The following LRP1B variants were observed in gnomAD, a reference collection of about 807,000 sequenced individuals.
LRP1B encodes LDL receptor related protein 1B.
LRP1B carries 217 observed loss-of-function variants against 556.6 expected under a neutral mutation model. The observed-to-expected ratio is 0.39, with a 90% CI of 0.35 to 0.44. LRP1B has a LOEUF of 0.44. Ranked by LOEUF, LRP1B falls within the 20% of genes least tolerant of loss-of-function variation. LRP1B has a pLI of 1.00. For missense variants in LRP1B, 5,053 were observed against 5,620.8 expected (o/e 0.90, Z 3.23); for synonymous variants, 2,047 against 1,865.8 (o/e 1.10, Z -2.50).
chr2:141,059,545 T>C (rs1242217935), intron 8 of LRP1B, among the ~76,000 whole-genome samples: 2 of 151,822 alleles, frequency 1.3e-5, no homozygotes, highest in African/African-American at 2.4e-5. Context: ...TCCCAATCTA[T>C]GTTTAGACTA....
intron 86 of LRP1B, among the ~76,000 whole-genome samples, chr2:140,259,467 T>G (rs182494499): frequency 6.9e-4 from 105 of 152,140 alleles, no homozygotes; most frequent in African/African-American, 2.4e-3. Context: ...GAAAGCCGAT[T>G]GAGAATCATA....
intron 86 of LRP1B, among the ~76,000 whole-genome samples, chr2:140,248,463 T>C (rs560832932): frequency 5.1e-4 from 78 of 151,784 alleles, no homozygotes; most frequent in African/African-American, 1.8e-3. Context: ...TTAGCTCAAC[T>C]TTTGTTACAT....
rs539732835 is a variant in LRP1B, at chr2:140,342,328, G to C, written c.11893-6490C>G. 3.0e-4 allele frequency among the ~76,000 whole-genome samples: 46 copies of C among 150,968 alleles called. No homozygotes were observed. The South Asian group carries it at 9.6e-3, about 31-fold the overall frequency. On this transcript the variant is annotated intron_variant, in intron 77 of 90. Coordinates refer to ENST00000389484, the MANE Select transcript of LRP1B (RefSeq NM_018557.3). The stretch of plus-strand genomic sequence containing the variant: ...TGGTTATAAAAATATTTACTATTCA[G>C]TGAAGGCCAATTATGCATGACATAC...
chr2:140,511,345 A>G (rs1191135564), intron 51 of LRP1B, among the ~76,000 whole-genome samples: 2 of 112,056 alleles, frequency 1.8e-5, no homozygotes, highest in Non-Finnish European at 3.3e-5. Context: ...TCTGTCGCCC[A>G]GGCTGGAGTG....
intron 18 of LRP1B, among the ~76,000 whole-genome samples, chr2:140,974,719 A>G (rs1696540103): frequency 6.6e-6 from 1 of 152,204 alleles, no homozygotes; most frequent in Non-Finnish European, 1.5e-5. Flanking sequence ...CTTAGATCCA[A>G]TACTAAGGAC....
intron 68 of LRP1B, among the ~76,000 whole-genome samples, chr2:140,373,464 G>T (rs570982973): frequency 1.3e-5 from 2 of 152,038 alleles, no homozygotes; most frequent in South Asian, 4.2e-4. Flanking sequence ...ATTTGTCCCT[G>T]TGAGTCATAA....
At chr2:142,119,816 G>A (rs777642798) in intron 1 of LRP1B, among the ~76,000 whole-genome samples, 2 of 151,872 alleles carry the variant, frequency 1.3e-5, no homozygotes, top group East Asian at 1.9e-4. Flanking sequence ...CGTTTGATCC[G>A]TATCCACAAG....
chr2:141,353,860 G>A (rs1460827374), intron 3 of LRP1B, among the ~76,000 whole-genome samples: 1 of 151,806 alleles, frequency 6.6e-6, no homozygotes, highest in African/African-American at 2.4e-5. Context: ...TAAACATTGA[G>A]AATTCTAAAT....
intron 35 of LRP1B, among the ~76,000 whole-genome samples, chr2:140,719,147 C>T (rs1259007578): frequency 1.3e-5 from 2 of 152,052 alleles, no homozygotes; most frequent in Non-Finnish European, 2.9e-5. Flanking sequence ...ATCTGGAATA[C>T]TTTCTGGCAC....
At chr2:141,631,917 C>CT (rs34272393) in intron 2 of LRP1B, among the ~76,000 whole-genome samples, 19 of 151,012 alleles carry the variant, frequency 1.3e-4, no homozygotes, top group Admixed American at 3.3e-4. Context: ...TTTTTCATTT[C>CT]TTTTTTTTTA....
In LRP1B at chr2:141,020,472, T is replaced by C. The variant is rs1698033264; in HGVS notation, c.1790-370A>G. ...TGAATATAAGTGACAAATTCAGCAA[T>C]GTAGACTGTTCTGAAGAAAAATCTA... On this transcript the variant is annotated intron_variant, in intron 11 of 90. Coordinates refer to ENST00000389484, the MANE Select transcript of LRP1B (RefSeq NM_018557.3). 1.3e-5 allele frequency among the ~76,000 whole-genome samples: 2 copies of C among 152,062 alleles called. 1 individual carries two copies. The highest frequency in any genetic ancestry group is 4.1e-4 in the South Asian group (2 of 4,824).
intron 1 of LRP1B, among the ~76,000 whole-genome samples, chr2:141,818,516 A>G (rs1401100359): frequency 6.8e-6 from 1 of 147,976 alleles, no homozygotes; most frequent in African/African-American, 2.5e-5. Flanking sequence ...TTCCCTAAAT[A>G]TAACATTTCT....
chr2:140,576,106 T>G lies in LRP1B; in HGVS notation c.7194+22525A>C, dbSNP rs573490396. ...GTTTTGATAAGCTCCACACTTCAGG[T>G]GCTGAAGACGATCCATGGAAATGCT... is the stretch of plus-strand genomic sequence containing the variant. On this transcript the variant is annotated intron_variant, in intron 43 of 90. Transcript: ENST00000389484. 2.0e-5 allele frequency among the ~76,000 whole-genome samples: 3 copies of G among 152,258 alleles called. No individual in the cohort carries two copies. The East Asian group carries it at 5.8e-4, about 29-fold the overall frequency.
intron 4 of LRP1B, among the ~76,000 whole-genome samples, chr2:141,248,768 A>G (rs1480126749): frequency 6.6e-6 from 1 of 152,216 alleles, no homozygotes; most frequent in East Asian, 1.9e-4. Context: ...TTTTAAAACT[A>G]AAAACACTCA....
intron 37 of LRP1B, among the ~76,000 whole-genome samples, chr2:140,705,454 A>G (rs11888646): frequency 0.22 from 32,976 of 148,096 alleles, 4,369 homozygotes; most frequent in African/African-American, 0.37. Context: ...AACCCGGGAC[A>G]CAGAGTCCGC....
intron 7 of LRP1B, among the ~76,000 whole-genome samples, chr2:141,125,122 A>G (rs567054357): frequency 2.4e-4 from 36 of 152,362 alleles, no homozygotes; most frequent in Admixed American, 2.4e-3. Context: ...TATCTAGAGA[A>G]TAAGGAACCA....
chr2:140,821,765 T>A (rs1691336490), intron 31 of LRP1B, among the ~76,000 whole-genome samples: 1 of 152,202 alleles, frequency 6.6e-6, no homozygotes, highest in Non-Finnish European at 1.5e-5. Flanking sequence ...CCGGGCGCCA[T>A]GGCTCACGCC....
intron 2 of LRP1B, among the ~76,000 whole-genome samples, chr2:141,646,658 T>C (rs1450382070): frequency 3.9e-5 from 6 of 152,052 alleles, no homozygotes; most frequent in Non-Finnish European, 7.4e-5. Flanking sequence ...CAGGGAACCG[T>C]ATAAATAGTA....
At chr2:141,213,575 G>A (rs1682658373) in intron 6 of LRP1B, among the ~76,000 whole-genome samples, 1 of 152,202 alleles carries the variant, frequency 6.6e-6, no homozygotes, top group South Asian at 2.1e-4. Flanking sequence ...ATGAGAGAAT[G>A]TACAAACTCC....
Sources: allele counts gnomAD v4.1 joint callset (sites outside exome capture counted in the v4.1 genomes callset), GRCh38; gene constraint gnomAD v4.1.1; transcripts MANE v1.5; gene names NCBI Gene and HGNC (gene_info 2026-07-23, HGNC 2026-07-21).